Variants in ARHGAP8 observed in about 807,000 individuals in gnomAD.
The protein encoded by ARHGAP8 is Rho GTPase activating protein 8.
Under a neutral mutation model 46.1 loss-of-function variants are expected in ARHGAP8, and 62 were observed. That is an observed-to-expected ratio of 1.34 (90% CI 1.10 to 1.66). The LOEUF is 1.66. Ranked by LOEUF, ARHGAP8 falls within the 40% of genes most tolerant of loss-of-function variation. The pLI is 0.00. For synonymous variants in ARHGAP8, 375 were observed against 243.1 expected, an observed-to-expected ratio of 1.54 and a Z score of -5.05; for missense variants, 923 against 568.4, an observed-to-expected ratio of 1.62 and a Z score of -6.34.
intron 2 of ARHGAP8, among the ~76,000 whole-genome samples, chr22:44,800,233 A>T (rs371115620): frequency 6.6e-6 from 1 of 150,842 alleles, no homozygotes; most frequent in Non-Finnish European, 1.5e-5. Flanking sequence ...CCTCCCAGGT[A>T]GCTAGGACTG....
chr22:44,762,255 T>C (rs1355252617), intron 1 of ARHGAP8, among the ~76,000 whole-genome samples: 1 of 152,032 alleles, frequency 6.6e-6, no homozygotes, highest in Non-Finnish European at 1.5e-5. Flanking sequence ...TTGGGCAATA[T>C]AGTGAGACCC....
chr22:44,798,774 CT>C (rs976049614), intron 2 of ARHGAP8, among the ~76,000 whole-genome samples: 27 of 149,242 alleles, frequency 1.8e-4, no homozygotes, highest in African/African-American at 4.7e-4. Flanking sequence ...AGGAGCTGGA[CT>C]TTTTTTTTTG....
chr22:44,787,999 G>A (rs1002232984), intron 2 of ARHGAP8, among the ~76,000 whole-genome samples: 5 of 147,150 alleles, frequency 3.4e-5, no homozygotes, highest in East Asian at 4.1e-4. Context: ...ACACTGGACC[G>A]AGTGTGAGGA....
intron 10 of ARHGAP8, among the ~76,000 whole-genome samples, chr22:44,858,359 G>A (rs1019229695): frequency 6.2e-5 from 8 of 129,058 alleles, no homozygotes; most frequent in African/African-American, 2.0e-4. Context: ...ATACTTGTTG[G>A]TTGGTGGTGG....
chr22:44,845,649 ACAGTGC>A, intron 8 of ARHGAP8, among the ~76,000 whole-genome samples: 1 of 152,284 alleles, frequency 6.6e-6, no homozygotes, highest in East Asian at 1.9e-4. Flanking sequence ...CCTAAACGAG[ACAGTGC>A]CTGCAAAGCA....
intron 1 of ARHGAP8, among the ~76,000 whole-genome samples, chr22:44,766,452 GTC>G (rs1363365567): frequency 6.6e-6 from 1 of 151,898 alleles, no homozygotes; most frequent in African/African-American, 2.4e-5. Context: ...GCATATGTGT[GTC>G]TCTGTGTACG....
intron 1 of ARHGAP8, among the ~76,000 whole-genome samples, chr22:44,752,996 C>CT (rs1010285435): frequency 1.3e-5 from 2 of 152,118 alleles, no homozygotes; most frequent in East Asian, 1.9e-4. Context: ...TCAAATGTTC[C>CT]TTTTTTGCTT....
At position 44,790,901 on chromosome 22, in the gene ARHGAP8, T is replaced by G. The variant is rs546693641; in HGVS notation, c.79+4295T>G. ...GCACGTGCCGCCATGCCCAACTAATTTTTTGTATTTTAGTAGAGACAGGGT... is the reference window on the plus strand; with the variant it reads ...GCACGTGCCGCCATGCCCAACTAATGTTTTGTATTTTAGTAGAGACAGGGT... On this transcript the variant is annotated intron_variant, in intron 2 of 11. Coordinates refer to ENST00000356099, the MANE Select transcript of ARHGAP8 (RefSeq NM_181335.3). 7.9e-5 allele frequency among the ~76,000 whole-genome samples: 12 copies of G among 151,694 alleles called. No homozygotes were observed. In the South Asian group the frequency reaches 2.5e-3, roughly 32 times the overall value.
intron 4 of ARHGAP8, among the ~76,000 whole-genome samples, chr22:44,812,527 T>C (rs1929412467): frequency 6.6e-6 from 1 of 151,836 alleles, no homozygotes; most frequent in Non-Finnish European, 1.5e-5. Flanking sequence ...CGGCTAATTT[T>C]TGTATTTTTA....
chr22:44,857,724 G>T (rs1353087238), intron 10 of ARHGAP8, among the ~76,000 whole-genome samples: 1 of 152,184 alleles, frequency 6.6e-6, no homozygotes, highest in Non-Finnish European at 1.5e-5. Context: ...AGAAAGGGGA[G>T]GTCAGAGAGT....
At chr22:44,847,393 A>G (rs1429383423) in intron 8 of ARHGAP8, among the ~76,000 whole-genome samples, 1 of 152,268 alleles carries the variant, frequency 6.6e-6, no homozygotes, top group Non-Finnish European at 1.5e-5. Flanking sequence ...TTCACTGTCT[A>G]AACAGCAGCC....
intron 4 of ARHGAP8, among the ~76,000 whole-genome samples, chr22:44,810,551 A>G (rs1443737888): frequency 6.6e-6 from 1 of 152,158 alleles, no homozygotes; most frequent in African/African-American, 2.4e-5. Context: ...GCAGGCTTTT[A>G]TTAAGCGTTA....
intron 7 of ARHGAP8, among the ~76,000 whole-genome samples, chr22:44,827,130 G>A (rs544625892): frequency 3.3e-5 from 5 of 152,168 alleles, no homozygotes; most frequent in Admixed American, 1.3e-4. Flanking sequence ...AGGTAGGAGG[G>A]TCAGAGTCAG....
chr22:44,826,201 G>A (rs1930512753), intron 7 of ARHGAP8, among the ~76,000 whole-genome samples: 2 of 152,198 alleles, frequency 1.3e-5, no homozygotes, highest in Non-Finnish European at 2.9e-5. Context: ...GGTAGAGACG[G>A]CACGTGGTCA....
At position 44,786,462 on chromosome 22, in the gene ARHGAP8, CAG is replaced by C. The variant is rs1398467007; in HGVS notation, c.-60_-59del. The C allele has an allele frequency of 2.5e-6, 4 of 1,601,308 alleles. No individual in the cohort carries two copies. The highest frequency in any genetic ancestry group is 3.4e-6 in the Non-Finnish European group (4 of 1,174,206). ...TTTAATCTTCTTTGCCGCAGAGCTGCAGAGAGACAAGGCGGCGGCGGCTGCTG... is the reference window on the plus strand; with the variant it reads ...TTTAATCTTCTTTGCCGCAGAGCTGCAGAGACAAGGCGGCGGCGGCTGCTG... On this transcript the variant is annotated 5_prime_UTR_variant, in exon 2 of 12. Transcript: ENST00000356099.
At chr22:44,781,232 A>G (rs4499536) in intron 1 of ARHGAP8, among the ~76,000 whole-genome samples, 122,035 of 147,618 alleles carry the variant, frequency 0.83, 49,516 homozygotes, top group Non-Finnish European at 0.88. Flanking sequence ...TCTTCGTGGA[A>G]TTTTACATAC....
At chr22:44,773,213 C>T (rs1256815054) in intron 1 of ARHGAP8, among the ~76,000 whole-genome samples, 1 of 152,170 alleles carries the variant, frequency 6.6e-6, no homozygotes, top group Non-Finnish European at 1.5e-5. Flanking sequence ...TTGTGTCTTT[C>T]AGGAAATGTG....
chr22:44,783,479 C>T (rs905700710), intron 1 of ARHGAP8, among the ~76,000 whole-genome samples: 9 of 152,182 alleles, frequency 5.9e-5, no homozygotes, highest in Admixed American at 3.3e-4. Flanking sequence ...CCTGGAAGCC[C>T]CATCAGGCAG....
At chr22:44,811,304 G>C (rs147961801) in intron 4 of ARHGAP8, among the ~76,000 whole-genome samples, 5 of 152,370 alleles carry the variant, frequency 3.3e-5, no homozygotes, top group African/African-American at 1.2e-4. Flanking sequence ...CAAAGCCAAA[G>C]GTAACGGCAC....
Sources: allele counts gnomAD v4.1 joint callset (sites outside exome capture counted in the v4.1 genomes callset), GRCh38; gene constraint gnomAD v4.1.1; transcripts MANE v1.5; gene names NCBI Gene and HGNC (gene_info 2026-07-23, HGNC 2026-07-21).